AGT: variants seen among roughly 807,000 people sequenced by gnomAD.
AGT encodes the protein angiotensinogen.
In AGT, 26 loss-of-function variants were observed where a neutral mutation model predicts 28.1. The observed-to-expected ratio is 0.92, with a 90% CI of 0.68 to 1.28. The LOEUF (loss-of-function observed/expected upper bound fraction) is 1.28. AGT is among the 50% of genes most tolerant of loss of function. The pLI, the probability that AGT is intolerant of heterozygous loss-of-function variation, is 0.00. For synonymous variants in AGT, 259 were observed against 259.6 expected (o/e 1.00, Z 0.02); for missense variants, 596 against 592.3 (o/e 1.01, Z -0.06).
At chr1:230,730,209 C>T (rs1206168765) in intron 1 of AGT, among the ~76,000 whole-genome samples, 1 of 151,762 alleles carries the variant, frequency 6.6e-6, no homozygotes, top group African/African-American at 2.4e-5. Flanking sequence ...GTGTGAGCTA[C>T]CATGCCCGGC....
rs1227209358 is a variant in AGT at position 230,702,881 on chromosome 1, C to G, written c.*260G>C. ...CTAAACACTGGTTCTTGCCTCCCCACCCCCATTCTCTAAAATAAACCCAGC... is the reference window on the plus strand; with the variant it reads ...CTAAACACTGGTTCTTGCCTCCCCAGCCCCATTCTCTAAAATAAACCCAGC... On this transcript the variant is annotated 3_prime_UTR_variant, in exon 5 of 5. Coordinates refer to ENST00000366667, the MANE Select transcript of AGT (RefSeq NM_001384479.1). The G allele has an allele frequency of 1.9e-6, 1 of 526,150 alleles. No individual in the cohort carries two copies. Among genetic ancestry groups the G allele is most frequent in the Non-Finnish European group, 3.4e-6 (1 of 293,220 alleles). The allele number at this position is 526,150 out of a possible 1,614,324, so 32.6% of individuals were successfully genotyped here.
chr1:230,712,319 C>T (rs1329369812), intron 1 of AGT, among the ~76,000 whole-genome samples: 2 of 151,974 alleles, frequency 1.3e-5, no homozygotes, highest in African/African-American at 4.8e-5. Flanking sequence ...CTGCCCTCAA[C>T]ACGGTGCAGC....
In AGT at chr1:230,710,529, T is replaced by A; in HGVS notation, c.295A>T (p.Met99Leu). The A allele has an allele frequency of 1.9e-6, 3 of 1,614,186 alleles. No individual in the cohort carries two copies. The highest frequency in any genetic ancestry group is 2.5e-6 in the Non-Finnish European group (3 of 1,180,020). Residue 99 changes from methionine to leucine, a missense_variant, in exon 2 of 5, where the codon ATG (methionine) becomes TTG (leucine). Coordinates refer to ENST00000366667, the MANE Select transcript of AGT (RefSeq NM_001384479.1). ...CGGAAGCCCAAGAAGTTGGCCAGCATCCCGACCATTGCGGCCCTCAACTTG... is the reference window on the plus strand; with the variant it reads ...CGGAAGCCCAAGAAGTTGGCCAGCAACCCGACCATTGCGGCCCTCAACTTG... ...EDKLRAAMVG[M>L]LANFLGFRIY... is the part of the protein sequence containing the mutation.
chr1:230,710,941 C>A, intron 1 of AGT, 88 bp from the exon 2 acceptor site: 1 of 1,487,944 alleles, frequency 6.7e-7, no homozygotes, highest in South Asian at 1.2e-5. Flanking sequence ...TCTCAATATT[C>A]CCTGTCACCA....
At chr1:230,715,355 G>A (rs1302238446), upstream of AGT, among the ~76,000 whole-genome samples, 3 of 152,164 alleles carry the variant, frequency 2.0e-5, no homozygotes, top group African/African-American at 4.8e-5. Flanking sequence ...GCCCCACAGC[G>A]ACTTAGAGGT....
intron 1 of AGT, among the ~76,000 whole-genome samples, chr1:230,743,172 G>A (rs1664279413): frequency 1.3e-5 from 2 of 152,008 alleles, no homozygotes; most frequent in South Asian, 4.2e-4. Flanking sequence ...TGTATTTTTA[G>A]TAGAGTCAAG....
At chr1:230,703,887 T>C (rs1257175001) in intron 4 of AGT, among the ~76,000 whole-genome samples, 1 of 152,154 alleles carries the variant, frequency 6.6e-6, no homozygotes, top group Non-Finnish European at 1.5e-5. Flanking sequence ...GCTTGCTGTC[T>C]TCATCCCGGT....
chr1:230,745,147 CAA>C (rs772546507), intron 1 of AGT, among the ~76,000 whole-genome samples: 10 of 152,134 alleles, frequency 6.6e-5, no homozygotes, highest in East Asian at 3.9e-4. Flanking sequence ...ATTGTGCAAA[CAA>C]AGAGACAAAA....
At chr1:230,739,031 T>C (rs908318054) in intron 1 of AGT, among the ~76,000 whole-genome samples, 4 of 152,062 alleles carry the variant, frequency 2.6e-5, no homozygotes, top group African/African-American at 9.7e-5. Flanking sequence ...CTCTTGCTAC[T>C]ATGTAACAGA....
chr1:230,706,322 C>T lies in AGT; in HGVS notation c.830-122G>A, dbSNP rs114152827. Reference sequence around the variant, plus strand: ...CCCTGCCTCAGCCTCCTTCCTTGGCCCCCCCCAGGCCACTCTGCATTCTCC... The same window carrying T: ...CCCTGCCTCAGCCTCCTTCCTTGGCTCCCCCCAGGCCACTCTGCATTCTCC... On this transcript the variant is annotated intron_variant, in intron 2 of 4. Coordinates refer to ENST00000366667, the MANE Select transcript of AGT (RefSeq NM_001384479.1). 3.5e-4 allele frequency: 380 copies of T among 1,088,112 alleles called. No homozygotes were observed. The African/African-American group carries it at 3.9e-3, about 11-fold the overall frequency. 67.4% of individuals were successfully genotyped at this position (1,088,112 alleles called of 1,614,324 possible).
At chr1:230,742,352 G>C (rs1180264107) in intron 1 of AGT, among the ~76,000 whole-genome samples, 1 of 152,092 alleles carries the variant, frequency 6.6e-6, no homozygotes, top group Non-Finnish European at 1.5e-5. Flanking sequence ...GTCTCGCACT[G>C]TCACCCAGGC....
rs1165590188 is a variant in AGT at position 230,706,060 on chromosome 1, G to A, written c.970C>T (p.Gln324Ter). 1.2e-6 allele frequency: 2 copies of A among 1,614,060 alleles called. No individual in the cohort carries two copies. The highest frequency in any genetic ancestry group is 1.7e-6 in the Non-Finnish European group (2 of 1,180,030). Residue 324 changes from glutamine (Q) to a stop codon, truncating the protein, a stop_gained, in exon 3 of 5, where the codon CAA becomes TAA. Coordinates refer to ENST00000366667, the MANE Select transcript of AGT (RefSeq NM_001384479.1). LOFTEE classifies it high-confidence loss of function. ...CAGGCGCTCTCAGTGAAGGGCACTT[G>A]AGTCACCGAGAAGTTGTCCTGGATG... ...SDIQDNFSVT[Q>*]VPFTESACLL...
At chr1:230,704,168 G>C (rs763479287) in intron 4 of AGT, 25 bp downstream of exon 4, 7 of 1,614,212 alleles carry the variant, frequency 4.3e-6, no homozygotes, top group Non-Finnish European at 5.9e-6. Context: ...ACCCAGGTCA[G>C]GCACAGACAC....
chr1:230,707,253 A>G (rs775765460), intron 2 of AGT, among the ~76,000 whole-genome samples: 7 of 152,188 alleles, frequency 4.6e-5, no homozygotes, highest in Non-Finnish European at 8.8e-5. Flanking sequence ...TCGACCTTAC[A>G]CTAGCACATC....
At position 230,705,815 on chromosome 1, in the gene AGT, G is replaced by A. The variant is rs11568042; in HGVS notation, c.1097+118C>T. On this transcript the variant is annotated intron_variant, in intron 3 of 4. Coordinates refer to ENST00000366667, the MANE Select transcript of AGT (RefSeq NM_001384479.1). ...CGCCTGCCCAGCCCCGTGCCACCGC[G>A]GCCCTGCCCTGCTCTGCACCCAAGG... The A allele has an allele frequency of 9.0e-3, 12,325 of 1,369,124 alleles. 902 individuals are homozygous for A. The African/African-American group carries it at 0.15, about 17-fold the overall frequency. The allele number at this position is 1,369,124 out of a possible 1,614,324, so 84.8% of individuals were successfully genotyped here.
intron 1 of AGT, among the ~76,000 whole-genome samples, chr1:230,725,953 T>C (rs1442940240): frequency 3.4e-5 from 5 of 148,018 alleles, no homozygotes; most frequent in African/African-American, 1.2e-4. Flanking sequence ...AACAACTGCT[T>C]TGCTCACCTT....
chr1:230,713,645 G>A (rs1663657520), intron 1 of AGT, among the ~76,000 whole-genome samples: 1 of 152,202 alleles, frequency 6.6e-6, no homozygotes, highest in Non-Finnish European at 1.5e-5. Context: ...CAGTCAGGCA[G>A]TCTGTCTCGA....
intron 1 of AGT, among the ~76,000 whole-genome samples, chr1:230,739,055 C>T (rs561571552): frequency 6.4e-4 from 98 of 152,132 alleles, no homozygotes; most frequent in African/African-American, 2.2e-3. Flanking sequence ...TATCAATGTT[C>T]CCTCCAATTA....
intron 1 of AGT, among the ~76,000 whole-genome samples, chr1:230,735,947 T>C (rs1664146832): frequency 6.6e-6 from 1 of 152,204 alleles, no homozygotes; most frequent in Non-Finnish European, 1.5e-5. Flanking sequence ...GGACCCTGCC[T>C]TTACTGTTTA....
Sources: allele counts gnomAD v4.1 joint callset (sites outside exome capture counted in the v4.1 genomes callset), GRCh38; gene constraint gnomAD v4.1.1; transcripts MANE v1.5; gene names NCBI Gene and HGNC (gene_info 2026-07-23, HGNC 2026-07-21).